Variants in GAK observed in about 807,000 individuals in gnomAD.
GAK encodes cyclin-G-associated kinase.
In GAK, 79 loss-of-function variants were observed where a neutral mutation model predicts 143.9. The ratio of observed to expected loss-of-function variants is 0.55; its 90% CI spans 0.46 to 0.66. The LOEUF (loss-of-function observed/expected upper bound fraction) is 0.66, where lower values mean the gene tolerates loss of function less well. GAK is among the 30% of genes least tolerant of loss of function. GAK has a pLI of 0.00. For missense variants in GAK, 1,693 were observed against 1,779.7 expected (o/e 0.95, Z 0.88); for synonymous variants, 881 against 765.5 (o/e 1.15, Z -2.49).
At chr4:857,416 C>T (rs899452073) in intron 24 of GAK, among the ~76,000 whole-genome samples, 10 of 152,204 alleles carry the variant, frequency 6.6e-5, no homozygotes, top group African/African-American at 2.4e-4. Flanking sequence ...CGGTGAAATT[C>T]TCCAGTGGCC....
intron 23 of GAK, among the ~76,000 whole-genome samples, chr4:863,790 C>A (rs548030903): frequency 3.0e-4 from 45 of 149,874 alleles, no homozygotes; most frequent in African/African-American, 9.3e-4. Flanking sequence ...TTTGGGAGGC[C>A]GAGGCGGGTG....
Position 851,580 on chromosome 4 carries a change from CAG to C in GAK, c.3508+168_3508+169del, listed in dbSNP as rs1246350015. On this transcript the variant is annotated intron_variant, in intron 25 of 27. Transcript: ENST00000314167. ...ACAAGAGGGACCCAGAGGCCTGACC[CAG>C]AGAGAGACCAGTGAACACACATCGG... 12 of 669,302 alleles carry C rather than the reference CAG, an allele frequency of 1.8e-5. 1 individual carries two copies. The highest frequency in any genetic ancestry group is 5.5e-5 in the South Asian group (3 of 54,572). 41.5% of individuals were successfully genotyped at this position (669,302 alleles called of 1,614,324 possible). A position where few individuals can be genotyped will look rare whatever the true frequency, so the allele number is the denominator to read the frequency against.
At chr4:911,083 C>G (rs1721973623) in intron 4 of GAK, among the ~76,000 whole-genome samples, 1 of 152,192 alleles carries the variant, frequency 6.6e-6, no homozygotes, top group African/African-American at 2.4e-5. Flanking sequence ...AACCCACCGG[C>G]CTCTCTTCCT....
intron 3 of GAK, chr4:912,253 G>C: frequency 2.3e-6 from 1 of 435,832 alleles, no homozygotes; most frequent in Non-Finnish European, 4.7e-6. Context: ...TGTGGCAGTG[G>C]ACAGGGAGTG....
chr4:911,218 C>T (rs147089835), intron 4 of GAK, among the ~76,000 whole-genome samples: 2 of 152,106 alleles, frequency 1.3e-5, no homozygotes, highest in Non-Finnish European at 2.9e-5. Flanking sequence ...TTGCCAGGAC[C>T]CCAGAGCCCC....
chr4:921,200 T>C (rs1723872485), intron 1 of GAK, among the ~76,000 whole-genome samples: 1 of 152,124 alleles, frequency 6.6e-6, no homozygotes, highest in South Asian at 2.1e-4. Context: ...CCTCCCAGGT[T>C]CAAGCGATTC....
At chr4:856,546 C>CAG (rs1749278849) in intron 24 of GAK, among the ~76,000 whole-genome samples, 28 of 121,466 alleles carry the variant, frequency 2.3e-4, no homozygotes, top group African/African-American at 4.2e-4. Flanking sequence ...GCTGCTCACA[C>CAG]CTGCTCACCA....
chr4:869,112 A>G (rs1234478712), intron 19 of GAK: 1 of 187,364 alleles, frequency 5.3e-6, no homozygotes, highest in Non-Finnish European at 1.1e-5. Flanking sequence ...GATGCACAGT[A>G]TACACGAATG....
In GAK at chr4:859,664, G is replaced by C; in HGVS notation, c.3225C>G (p.Thr1075=). 1.2e-6 allele frequency: 2 copies of C among 1,603,652 alleles called. No homozygotes were observed. The highest frequency in any genetic ancestry group is 1.7e-6 in the Non-Finnish European group (2 of 1,171,364). ...PAPCGSQASW[T]KSQNPDPFAD... ...CAAATGGGTCCGGGTTCTGAGACTT[G>C]GTCCAGCTGGCCTGAGAGCCACAAG... Residue 1075 remains threonine, a synonymous_variant, in exon 24 of 28, where the codon ACC becomes ACG. Transcript: ENST00000314167.
At chr4:861,456 T>C (rs1408378288) in intron 23 of GAK, among the ~76,000 whole-genome samples, 1 of 152,014 alleles carries the variant, frequency 6.6e-6, no homozygotes, top group Non-Finnish European at 1.5e-5. Context: ...ATGGGCATGG[T>C]GATGAGTGCC....
intron 16 of GAK, 23 bp downstream of exon 16, chr4:877,592 C>A (rs558626581): frequency 4.5e-6 from 7 of 1,552,134 alleles, no homozygotes; most frequent in Non-Finnish European, 3.5e-6. Flanking sequence ...GGGAGCACAG[C>A]GTGGGGCTGC....
At position 850,112 on chromosome 4, in the gene GAK, CCCT is replaced by C. The variant is rs1747853592; in HGVS notation, c.3658-47_3658-45del. ...TTGCCGAGCCCTGGGCACCTGCCTG[CCCT>C]CCTCCTCTGCACCGCGGAAACTGAG... On this transcript the variant is annotated intron_variant, in intron 26 of 27. Transcript: ENST00000314167. 8 of 1,512,912 alleles carry C rather than the reference CCCT, an allele frequency of 5.3e-6. No homozygotes were observed. The South Asian group carries it at 6.2e-5, about 12-fold the overall frequency. 93.7% of individuals were successfully genotyped at this position (1,512,912 alleles called of 1,614,324 possible). A position where few individuals can be genotyped will look rare whatever the true frequency, so the allele number is the denominator to read the frequency against.
chr4:869,984 C>T (rs1002828974), intron 19 of GAK: 3 of 152,062 alleles, frequency 2.0e-5, no homozygotes, highest in African/African-American at 4.9e-5. Context: ...ACAGCACATA[C>T]CGATGCATGG....
chr4:902,714 C>G (rs553882777), intron 5 of GAK, among the ~76,000 whole-genome samples: 14 of 151,654 alleles, frequency 9.2e-5, no homozygotes, highest in African/African-American at 3.1e-4. Flanking sequence ...AGCCTCACAA[C>G]GTCCTAGGTT....
chr4:867,927 G>A (rs1438898254), intron 20 of GAK, among the ~76,000 whole-genome samples: 3 of 152,244 alleles, frequency 2.0e-5, no homozygotes, highest in African/African-American at 7.2e-5. Flanking sequence ...GGCCTCTGCG[G>A]TGCCTCAGGC....
chr4:854,259 T>G (rs1180484002), intron 24 of GAK, among the ~76,000 whole-genome samples: 1 of 152,070 alleles, frequency 6.6e-6, no homozygotes, highest in Admixed American at 6.6e-5. Flanking sequence ...CAGAGGACCC[T>G]GCGCTCTCGC....
chr4:867,399 G>A lies in GAK; in HGVS notation c.2429C>T (p.Ala810Val), dbSNP rs532337074. 5 of 1,543,328 alleles carry A rather than the reference G, an allele frequency of 3.2e-6. No individual in the cohort carries two copies. The South Asian group carries it at 6.2e-5, about 19-fold the overall frequency. Residue 810 changes from alanine to valine, a missense_variant, in exon 21 of 28, where the codon GCC (alanine) becomes GTC (valine). Physicochemically the swap from Ala to Val is moderately conservative, Grantham distance 64. Around this residue, in one of 2 missense-constraint regions of GAK, gnomAD observed 822 missense variants for 788.7 expected, o/e 1.04. Transcript: ENST00000314167. ...GGCAGACTCGCTCTCCTTGGAAGAG[G>A]CATTTTCTGCACCAGTCTCTGCCTC... Reference protein sequence around the residue: ...EKEAETGAENASSKESESALM... With the variant: ...EKEAETGAENVSSKESESALM...
intron 19 of GAK, 107 bp downstream of exon 19, chr4:870,604 A>G (rs1481732137): frequency 1.7e-6 from 2 of 1,163,372 alleles, no homozygotes; most frequent in Non-Finnish European, 2.5e-6. Context: ...GCCTGGGTGC[A>G]GCAGCAGGCG....
rs113026071 is a variant in GAK, at chr4:926,234, T to C, written c.145+5809A>G. Among the ~76,000 whole-genome samples, 535 of 152,250 alleles carry C rather than the reference T, an allele frequency of 3.5e-3. 5 individuals carry two copies. Among genetic ancestry groups the C allele is most frequent in the African/African-American group, 0.012 (515 of 41,526 alleles). ...CCCCAAGAGTGACCTCCCTGTATGT[T>C]AACAGACAGAAACCACAGAAGTAAC... is the stretch of plus-strand genomic sequence containing the variant. On this transcript the variant is annotated intron_variant, in intron 1 of 27. Transcript: ENST00000314167.
Sources: allele counts gnomAD v4.1 joint callset (sites outside exome capture counted in the v4.1 genomes callset), GRCh38; gene constraint gnomAD v4.1.1; regional missense constraint gnomAD v4.1.1; transcripts MANE v1.5; gene names NCBI Gene and HGNC (gene_info 2026-07-23, HGNC 2026-07-21).